Variants in CPAP observed in about 807,000 individuals in gnomAD.
CPAP encodes the protein centrosomal P4.1-associated protein.
the CPAP span, chr13:24,885,668 T>G: frequency 1.9e-6 from 3 of 1,610,426 alleles, no homozygotes; most frequent in Non-Finnish European, 2.5e-6. Flanking sequence ...CGAGGTGGAT[T>G]GCCTATTAGA....
the CPAP span, among the ~76,000 whole-genome samples, chr13:24,883,702 G>A: frequency 6.6e-6 from 1 of 152,284 alleles, no homozygotes; most frequent in African/African-American, 2.4e-5. Flanking sequence ...CTCTGTATCA[G>A]GTGGGGAAGA....
chr13:24,895,712 T>G, the CPAP span, among the ~76,000 whole-genome samples: 1 of 152,236 alleles, frequency 6.6e-6, no homozygotes, highest in African/African-American at 2.4e-5. Flanking sequence ...AGCCATGGAC[T>G]TAAAGGGGCT....
the CPAP span, among the ~76,000 whole-genome samples, chr13:24,898,647 C>A: frequency 6.6e-6 from 1 of 152,110 alleles, no homozygotes; most frequent in Non-Finnish European, 1.5e-5. Flanking sequence ...GAATTAAAGA[C>A]CCTGAACACC....
At chr13:24,929,697 A>G in the CPAP span, among the ~76,000 whole-genome samples, 1 of 151,622 alleles carries the variant, frequency 6.6e-6, no homozygotes, top group Non-Finnish European at 1.5e-5. Flanking sequence ...TTCTTCAGTC[A>G]CTCTTCCTGC....
At chr13:24,929,838 A>G in the CPAP span, among the ~76,000 whole-genome samples, 62 of 144,620 alleles carry the variant, frequency 4.3e-4, no homozygotes, top group Middle Eastern at 7.5e-3. Context: ...AATAATTTCA[A>G]TTGTTTTCAA....
the CPAP span, among the ~76,000 whole-genome samples, chr13:24,923,192 T>C: frequency 6.6e-6 from 1 of 151,470 alleles, no homozygotes; most frequent in African/African-American, 2.4e-5. Context: ...GCACGGAGAG[T>C]CAAAGCTAAC....
At chr13:24,899,424 TTTC>T in the CPAP span, 1 of 1,610,892 alleles carries the variant, frequency 6.2e-7, no homozygotes, top group Non-Finnish European at 8.5e-7. Flanking sequence ...CATACCTGTA[TTTC>T]TTCACGTTCC....
At chr13:24,923,833 A>T in the CPAP span, among the ~76,000 whole-genome samples, 1 of 151,450 alleles carries the variant, frequency 6.6e-6, no homozygotes, top group African/African-American at 2.4e-5. Flanking sequence ...TTCTTTTTTT[A>T]ATTTTTATTT....
chr13:24,933,748 G>T, the CPAP span, among the ~76,000 whole-genome samples: 4 of 150,794 alleles, frequency 2.7e-5, no homozygotes, highest in South Asian at 8.4e-4. Context: ...TTTTTTAGAT[G>T]GAGTCTCACT....
chr13:24,922,480 A>G, the CPAP span, among the ~76,000 whole-genome samples: 1 of 152,218 alleles, frequency 6.6e-6, no homozygotes, highest in Non-Finnish European at 1.5e-5. Context: ...TGCCCACAGG[A>G]ACTCAAGTTC....
At chr13:24,913,026 C>T in the CPAP span, 1 of 1,613,436 alleles carries the variant, frequency 6.2e-7, no homozygotes, top group Non-Finnish European at 8.5e-7. Flanking sequence ...TCAGGAACAT[C>T]TTAGTCCAAT....
the CPAP span, among the ~76,000 whole-genome samples, chr13:24,925,688 T>C: frequency 6.6e-6 from 1 of 152,068 alleles, no homozygotes; most frequent in African/African-American, 2.4e-5. Context: ...TGGGAGAAAC[T>C]ATAGGGAAAG....
At chr13:24,911,829 G>T in the CPAP span, 1 of 1,252,760 alleles carries the variant, frequency 8.0e-7, no homozygotes, top group Non-Finnish European at 1.2e-6. Context: ...TATCGGGCTA[G>T]CCTTTAAAGA....
chr13:24,888,314 G>A, the CPAP span, among the ~76,000 whole-genome samples: 1 of 151,918 alleles, frequency 6.6e-6, no homozygotes, highest in Non-Finnish European at 1.5e-5. Flanking sequence ...TATTAGCAGT[G>A]CTTGTAACTG....
the CPAP span, among the ~76,000 whole-genome samples, chr13:24,891,321 A>G: frequency 6.6e-6 from 1 of 151,968 alleles, no homozygotes; most frequent in Admixed American, 6.6e-5. Context: ...CCAGTGCTGT[A>G]TCACACATTG....
the CPAP span, chr13:24,905,529 T>C: frequency 1.9e-6 from 3 of 1,614,176 alleles, no homozygotes; most frequent in Non-Finnish European, 1.7e-6. Context: ...CTTTTTATTG[T>C]TTTGTCCAGG....
chr13:24,907,214 A>AT, the CPAP span: 24 of 1,538,058 alleles, frequency 1.6e-5, no homozygotes, highest in Non-Finnish European at 2.1e-5. Flanking sequence ...ACAGAAAGTT[A>AT]TTTAACATGC....
chr13:24,929,076 A>G, the CPAP span, among the ~76,000 whole-genome samples: 2 of 151,962 alleles, frequency 1.3e-5, no homozygotes, highest in African/African-American at 4.8e-5. Flanking sequence ...TTTATTACAC[A>G]TTTTTTTTAG....
chr13:24,894,149 G>A, the CPAP span, among the ~76,000 whole-genome samples: 1 of 152,140 alleles, frequency 6.6e-6, no homozygotes, highest in Non-Finnish European at 1.5e-5. Flanking sequence ...GGGACAGGAA[G>A]GGGAAAAAAG....
Sources: gnomAD v4.1 joint callset for allele counts (sites outside exome capture counted in the v4.1 genomes callset) on GRCh38, gnomAD v4.1.1 for gene constraint, MANE v1.5 for transcripts, NCBI Gene and HGNC (gene_info 2026-07-23, HGNC 2026-07-21) for gene names.